Variants in MLLT3 observed in about 807,000 individuals in gnomAD.
MLLT3 encodes the protein MLLT3 super elongation complex subunit.
A neutral mutation model predicts 53.2 loss-of-function variants in MLLT3; 4 were observed. The observed-to-expected ratio is 0.08, with a 90% confidence interval of 0.04 to 0.17. The LOEUF (loss-of-function observed/expected upper bound fraction) is 0.17. Ranked by LOEUF, MLLT3 falls within the 10% of genes least tolerant of loss-of-function variation. The pLI, the probability that MLLT3 is intolerant of heterozygous loss-of-function variation, is 1.00. For synonymous variants in MLLT3, 283 were observed against 230.6 expected, an observed-to-expected ratio of 1.23 and a Z score of -2.06; for missense variants, 569 against 684.0, an observed-to-expected ratio of 0.83 and a Z score of 1.87.
rs1021909020 is a variant in MLLT3 at position 20,621,245 on chromosome 9, C to T, written c.13-411G>A. On this transcript the variant is annotated intron_variant, in intron 1 of 10. Transcript: ENST00000380338. The surrounding 1 kb of genome is among the most constrained non-coding windows in gnomAD (Gnocchi z 7.0). ...GCTGGGACCCAGGGGGACCGAAGGG[C>T]TCCTGGCGAGCCCCCTCCCCGAAAG... Among the ~76,000 whole-genome samples the T allele has an allele frequency of 2.3e-4, 35 of 152,306 alleles. No homozygotes were observed. Among genetic ancestry groups the T allele is most frequent in the African/African-American group, 8.4e-4 (35 of 41,590 alleles).
At chr9:20,456,669 G>T in intron 3 of MLLT3, 35 bp downstream of exon 3, 1 of 1,402,952 alleles carries the variant, frequency 7.1e-7, no homozygotes, top group Non-Finnish European at 1.0e-6. Context: ...ATGGTGGATC[G>T]TCTACTGAAA....
At chr9:20,478,382 TA>T (rs1251829617) in intron 2 of MLLT3, among the ~76,000 whole-genome samples, 8 of 152,288 alleles carry the variant, frequency 5.3e-5, no homozygotes, top group East Asian at 1.9e-4. Flanking sequence ...CCTCAGTGAC[TA>T]AAACAATACC....
chr9:20,478,906 C>G (rs895136325), intron 2 of MLLT3, among the ~76,000 whole-genome samples: 1 of 152,076 alleles, frequency 6.6e-6, no homozygotes, highest in Non-Finnish European at 1.5e-5. Flanking sequence ...AACTTCAACA[C>G]GGAATTTTCC....
intron 10 of MLLT3, among the ~76,000 whole-genome samples, chr9:20,350,688 G>A (rs1821001589): frequency 6.6e-6 from 1 of 152,138 alleles, no homozygotes; most frequent in African/African-American, 2.4e-5. Context: ...TTCAGATGAT[G>A]GTTGTTGTGA....
chr9:20,572,342 G>T (rs1053564170), intron 2 of MLLT3, among the ~76,000 whole-genome samples: 1 of 152,144 alleles, frequency 6.6e-6, no homozygotes, highest in Non-Finnish European at 1.5e-5. Context: ...CAAAATTGCT[G>T]AGAGAGTAGA....
At chr9:20,444,625 C>T (rs1363633270) in intron 4 of MLLT3, among the ~76,000 whole-genome samples, 2 of 152,144 alleles carry the variant, frequency 1.3e-5, no homozygotes, top group African/African-American at 4.8e-5. Context: ...GTAGTTAGAG[C>T]ACTTTAGGAG....
chr9:20,477,894 G>T (rs1824565440), intron 2 of MLLT3, among the ~76,000 whole-genome samples: 1 of 152,234 alleles, frequency 6.6e-6, no homozygotes, highest in African/African-American at 2.4e-5. Context: ...ATGTTTCACA[G>T]ATTAACCAAT....
intron 2 of MLLT3, among the ~76,000 whole-genome samples, chr9:20,474,687 A>G (rs979150868): frequency 2.6e-5 from 4 of 151,852 alleles, no homozygotes; most frequent in East Asian, 1.9e-4. Flanking sequence ...CAACGAGGGG[A>G]AAAAAAAGCA....
intron 2 of MLLT3, among the ~76,000 whole-genome samples, chr9:20,535,211 C>G (rs918533155): frequency 2.0e-5 from 3 of 152,222 alleles, no homozygotes; most frequent in Non-Finnish European, 1.5e-5. Context: ...CTCCTGTGAA[C>G]TGCACATGTG....
intron 2 of MLLT3, among the ~76,000 whole-genome samples, chr9:20,460,983 A>G (rs1824092696): frequency 6.6e-6 from 1 of 152,192 alleles, no homozygotes; most frequent in African/African-American, 2.4e-5. Context: ...CTCTAAGGCC[A>G]TTTTGAAACT....
chr9:20,466,624 A>G (rs1824244115), intron 2 of MLLT3, among the ~76,000 whole-genome samples: 1 of 152,234 alleles, frequency 6.6e-6, no homozygotes, highest in African/African-American at 2.4e-5. Context: ...GATAAAGAAC[A>G]GCTTTTATTC....
intron 4 of MLLT3, among the ~76,000 whole-genome samples, chr9:20,427,206 T>A (rs1823159283): frequency 6.9e-6 from 1 of 145,978 alleles, no homozygotes. Context: ...ATATATGAAG[T>A]ATAAAAAGGA....
chr9:20,472,246 T>A (rs1019763892), intron 2 of MLLT3, among the ~76,000 whole-genome samples: 3 of 152,096 alleles, frequency 2.0e-5, no homozygotes, highest in African/African-American at 7.2e-5. Context: ...AATAAACTAG[T>A]ATGCAAATTT....
At chr9:20,500,675 T>A (rs1825200664) in intron 2 of MLLT3, among the ~76,000 whole-genome samples, 1 of 152,200 alleles carries the variant, frequency 6.6e-6, no homozygotes, top group South Asian at 2.1e-4. Flanking sequence ...CCAGGCTCAA[T>A]ATTTTCCCCA....
chr9:20,364,677 A>G (rs1821405826), intron 6 of MLLT3, among the ~76,000 whole-genome samples: 1 of 152,128 alleles, frequency 6.6e-6, no homozygotes, highest in African/African-American at 2.4e-5. Flanking sequence ...ACTGTCTTTT[A>G]TTTTATTTTT....
At chr9:20,490,355 C>CA (rs1334621287) in intron 2 of MLLT3, among the ~76,000 whole-genome samples, 1 of 152,226 alleles carries the variant, frequency 6.6e-6, no homozygotes, top group Non-Finnish European at 1.5e-5. Context: ...AGATGGCGTA[C>CA]AAGAGAGAAG....
intron 2 of MLLT3, among the ~76,000 whole-genome samples, chr9:20,483,738 C>T (rs928525755): frequency 1.0e-4 from 13 of 124,530 alleles, no homozygotes; most frequent in African/African-American, 4.1e-4. Context: ...GATGGAGTAT[C>T]GCTCTGTCAC....
At chr9:20,599,430 A>G (rs983054041) in intron 2 of MLLT3, among the ~76,000 whole-genome samples, 4 of 150,506 alleles carry the variant, frequency 2.7e-5, no homozygotes, top group African/African-American at 4.9e-5. Flanking sequence ...ACTAAATCAC[A>G]TTCTGAAACA....
chr9:20,362,285 C>G (rs80243796), intron 7 of MLLT3, among the ~76,000 whole-genome samples: 1 of 152,198 alleles, frequency 6.6e-6, no homozygotes, highest in African/African-American at 2.4e-5. Flanking sequence ...CAACTAATCA[C>G]AGAATATCCA....
Sources: gnomAD v4.1 joint callset for allele counts (sites outside exome capture counted in the v4.1 genomes callset) on GRCh38, gnomAD v4.1.1 for gene constraint, Gnocchi (gnomAD v3.1) non-coding constraint, MANE v1.5 for transcripts, NCBI Gene and HGNC (gene_info 2026-07-23, HGNC 2026-07-21) for gene names.